TRPM5: variants seen among roughly 807,000 people sequenced by gnomAD.
TRPM5 encodes the protein MLSN1 and TRP-related.
Under a neutral mutation model 124.9 loss-of-function variants are expected in TRPM5, and 121 were observed. The ratio of observed to expected loss-of-function variants is 0.97; its 90% CI spans 0.84 to 1.13. TRPM5 has a LOEUF of 1.13. TRPM5 is among the 50% of genes most tolerant of loss of function. TRPM5 has a pLI of 0.00. For missense variants in TRPM5, 1,643 were observed against 1,589.1 expected (o/e 1.03, Z -0.58); for synonymous variants, 781 against 700.5 (o/e 1.11, Z -1.81).
chr11:2,409,644 C>T (rs1219081904), intron 18 of TRPM5, among the ~76,000 whole-genome samples: 4 of 152,230 alleles, frequency 2.6e-5, no homozygotes. Flanking sequence ...CCCTGCCTAG[C>T]AGCATGAGGG....
the TRPM5 span, among the ~76,000 whole-genome samples, chr11:2,438,440 G>A: frequency 1.2e-4 from 18 of 152,158 alleles, no homozygotes; most frequent in Non-Finnish European, 2.2e-4. The surrounding 1 kb of genome is among the most constrained non-coding windows in gnomAD (Gnocchi z 5.9). Flanking sequence ...TGAAGCGAGC[G>A]GATCACTTGA....
At position 2,417,710 on chromosome 11, in the gene TRPM5, A is replaced by G; in HGVS notation, c.1009+17T>C. Reference sequence around the variant, plus strand: ...CCCCCCAATGGCGCCTGCCTTGCCCACCCTGCCCGCCCTCACCTTTCACCA... The same window carrying G: ...CCCCCCAATGGCGCCTGCCTTGCCCGCCCTGCCCGCCCTCACCTTTCACCA... On this transcript the variant is annotated intron_variant, in intron 7 of 23. Transcript: ENST00000155858. 6.0e-6 allele frequency: 2 copies of G among 335,806 alleles called. No homozygotes were observed. Among genetic ancestry groups the G allele is most frequent in the Non-Finnish European group, 5.7e-6 (1 of 175,958 alleles). 20.8% of individuals were successfully genotyped at this position (335,806 alleles called of 1,614,324 possible).
intron 7 of TRPM5, among the ~76,000 whole-genome samples, chr11:2,416,901 G>A (rs11826716): frequency 0.019 from 2,838 of 152,254 alleles, 108 homozygotes; most frequent in African/African-American, 0.065. Context: ...ACCTGACTCC[G>A]CCTTACAAAA....
exon 9 of TRPM5, chr11:2,415,287 T>A: frequency 1.3e-6 from 2 of 1,576,642 alleles, no homozygotes; most frequent in Admixed American, 1.8e-5. Flanking sequence ...CAGCCGGGCC[T>A]CCTCCTGCTT....
chr11:2,435,615 CCAT>C, the TRPM5 span, among the ~76,000 whole-genome samples: 2 of 152,032 alleles, frequency 1.3e-5, no homozygotes, highest in Admixed American at 1.3e-4. This position sits in a 1 kb window ranked among gnomAD's most constrained non-coding sequence, Gnocchi z 4.1. Context: ...ATCCATCCAT[CCAT>C]CCACCCATCC....
chr11:2,417,380 G>A (rs1231306534), intron 7 of TRPM5, among the ~76,000 whole-genome samples: 4 of 152,306 alleles, frequency 2.6e-5, no homozygotes, highest in South Asian at 2.1e-4. Flanking sequence ...ACTTCAACTC[G>A]GGAGGTGGAG....
chr11:2,418,051 C>A, intron 6 of TRPM5, 116 bp downstream of exon 11: 1 of 1,082,026 alleles, frequency 9.2e-7, no homozygotes, highest in Non-Finnish European at 1.3e-6. Context: ...GGTGGGGGGC[C>A]CAGCAGCCTG....
the TRPM5 span, among the ~76,000 whole-genome samples, chr11:2,432,217 A>G: frequency 6.6e-6 from 1 of 152,240 alleles, no homozygotes; most frequent in Non-Finnish European, 1.5e-5. Context: ...CATGAGGGAC[A>G]TCCCAGCTGC....
chr11:2,429,070 G>A, the TRPM5 span, among the ~76,000 whole-genome samples: 3 of 150,156 alleles, frequency 2.0e-5, no homozygotes, highest in East Asian at 5.8e-4. The surrounding 1 kb of genome is among the most constrained non-coding windows in gnomAD (Gnocchi z 8.4). Context: ...GATGATGGTT[G>A]TGGTGGTGGT....
chr11:2,418,218 C>T, exon 6 of TRPM5: 1 of 1,585,760 alleles, frequency 6.3e-7, no homozygotes, highest in Non-Finnish European at 8.6e-7. Flanking sequence ...TGCTGGGGAA[C>T]TTCTCCTTAA....
chr11:2,415,550 A>T, intron 8 of TRPM5, 79 bp from the exon 14 acceptor site: 2 of 1,004,446 alleles, frequency 2.0e-6, no homozygotes, highest in Non-Finnish European at 2.9e-6. Context: ...AAGGAAGGAG[A>T]GAGCAGGGAG....
Position 2,407,098 on chromosome 11 carries a change from CCCG to C in TRPM5, c.3118+18_3118+20del. 1.9e-6 allele frequency: 2 copies of C among 1,051,128 alleles called. No individual in the cohort carries two copies. The highest frequency in any genetic ancestry group is 6.7e-5 in the East Asian group (1 of 14,872). 65.1% of individuals were successfully genotyped at this position (1,051,128 alleles called of 1,614,324 possible). Reference sequence around the variant, plus strand: ...GCCACCTCGGCCTCACCCAGGTGCTCCCGCTTGTGCTCGGCCTCACCCAGGTGC... The same window carrying C: ...GCCACCTCGGCCTCACCCAGGTGCTCCTTGTGCTCGGCCTCACCCAGGTGC... On this transcript the variant is annotated intron_variant, in intron 20 of 23. Coordinates refer to ENST00000155858, the Ensembl canonical transcript of TRPM5.
upstream of TRPM5, among the ~76,000 whole-genome samples, chr11:2,424,407 A>G (rs1388853078): frequency 6.6e-6 from 1 of 152,206 alleles, no homozygotes; most frequent in Non-Finnish European, 1.5e-5. Context: ...ATCCCCAAAC[A>G]GGTATGTCCA....
the TRPM5 span, among the ~76,000 whole-genome samples, chr11:2,441,586 C>T: frequency 6.6e-6 from 1 of 152,146 alleles, no homozygotes; most frequent in East Asian, 1.9e-4. The surrounding 1 kb of genome is among the most constrained non-coding windows in gnomAD (Gnocchi z 7.2). Flanking sequence ...CCTCAGTGTC[C>T]CCAAGCCAAT....
chr11:2,415,247 G>A (rs1850545522), exon 9 of TRPM5: 2 of 1,570,374 alleles, frequency 1.3e-6, no homozygotes, highest in Admixed American at 1.8e-5. Context: ...GTGGCTCCCG[G>A]GCCTGCTGGG....
At chr11:2,407,968 T>C (rs1337719784) in intron 18 of TRPM5, 56 bp from the exon 24 acceptor site, 4 of 1,591,714 alleles carry the variant, frequency 2.5e-6, no homozygotes, top group Non-Finnish European at 3.4e-6. Flanking sequence ...AGGGCGGCCT[T>C]AGGCAAATGC....
Position 2,415,488 on chromosome 11 carries a change from A to G in TRPM5, c.1129-17T>C. The G allele has an allele frequency of 6.6e-7, 1 of 1,515,344 alleles. No homozygotes were observed. The highest frequency in any genetic ancestry group is 8.9e-7 in the Non-Finnish European group (1 of 1,128,800). The allele number at this position is 1,515,344 out of a possible 1,614,324, so 93.9% of individuals were successfully genotyped here. A position where few individuals can be genotyped will look rare whatever the true frequency, so the allele number is the denominator to read the frequency against. On this transcript the variant is annotated splice_polypyrimidine_tract_variant and intron_variant, in intron 8 of 23. Coordinates refer to ENST00000155858, the Ensembl canonical transcript of TRPM5. Reference sequence around the variant, plus strand: ...GTCACAGGACTTGGCGGCCATGGGCACCCGAGGGAAGGGGGACAAGAGAGT... The same window carrying G: ...GTCACAGGACTTGGCGGCCATGGGCGCCCGAGGGAAGGGGGACAAGAGAGT...
rs1381594899 is a variant in TRPM5, at chr11:2,416,125, CG to C, written c.1010-102del. 42 of 794,536 alleles carry C rather than the reference CG, an allele frequency of 5.3e-5. No individual in the cohort carries two copies. In the African/African-American group the frequency reaches 6.0e-4, roughly 11 times the overall value. 49.2% of individuals were successfully genotyped at this position (794,536 alleles called of 1,614,324 possible). A position where few individuals can be genotyped will look rare whatever the true frequency, so the allele number is the denominator to read the frequency against. On this transcript the variant is annotated intron_variant, in intron 7 of 23. Transcript: ENST00000155858. ...GGTGCGCTGCCTAGAGACGCGGAAA[CG>C]GGAACTTCACGCTGGGACTTGAGGG...
chr11:2,411,873 A>G, intron 16 of TRPM5, 106 bp from the exon 22 acceptor site: 3 of 1,410,858 alleles, frequency 2.1e-6, no homozygotes, highest in Non-Finnish European at 2.9e-6. Flanking sequence ...CCAGGCCAGG[A>G]CTCCTTGGGC....
Sources: gnomAD v4.1 joint callset for allele counts (sites outside exome capture counted in the v4.1 genomes callset) on GRCh38, gnomAD v4.1.1 for gene constraint, Gnocchi (gnomAD v3.1) non-coding constraint, MANE v1.5 for transcripts, NCBI Gene and HGNC (gene_info 2026-07-23, HGNC 2026-07-21) for gene names.